The following ZNF425 variants were observed in gnomAD, a reference collection of about 807,000 sequenced individuals.
ZNF425 encodes zinc finger protein 425.
ZNF425 carries 21 observed loss-of-function variants against 17.0 expected under a neutral mutation model. The ratio of observed to expected loss-of-function variants is 1.23; its 90% CI spans 0.88 to 1.78. ZNF425 has a LOEUF of 1.78. Ranked by LOEUF, ZNF425 falls within the 40% of genes most tolerant of loss-of-function variation. The pLI, the probability that ZNF425 is intolerant of heterozygous loss-of-function variation, is 0.00. For missense variants in ZNF425, 868 were observed against 967.3 expected, an observed-to-expected ratio of 0.90 and a Z score of 1.36; for synonymous variants, 433 against 384.1, an observed-to-expected ratio of 1.13 and a Z score of -1.49.
intron 1 of ZNF425, chr7:149,125,605 T>C (rs1242508940): frequency 6.4e-6 from 1 of 157,172 alleles, no homozygotes; most frequent in Non-Finnish European, 1.4e-5. Context: ...GGGACAGCGT[T>C]GTTGATCTGA....
At position 149,105,530 on chromosome 7, in the gene ZNF425, C is replaced by G; in HGVS notation, c.341G>C (p.Cys114Ser). The change falls in exon 4 of 4, where the codon TGC (cysteine) becomes TCC (serine). Residue 114 changes from cysteine (C) to serine (S), a missense_variant. Cys to Ser is a moderately radical substitution (Grantham distance 112). This residue lies in a region of ZNF425 where 179 missense variants were observed against 216.3 expected (regional missense o/e 0.83). Coordinates refer to ENST00000378061, the MANE Select transcript of ZNF425 (RefSeq NM_001001661.3). ...EGTPRTKEED[C>S]RLNGPQKQDL... is the part of the protein sequence containing the mutation. The stretch of plus-strand genomic sequence containing the variant: ...CTGTTTTTGAGGACCATTTAAACGG[C>G]AATCCTCTTCTTTTGTCCTGGGAGT... 6.6e-7 allele frequency: 1 copy of G among 1,515,898 alleles called. No individual in the cohort carries two copies. Among genetic ancestry groups the G allele is most frequent in the Non-Finnish European group, 8.8e-7 (1 of 1,136,284 alleles). The allele number at this position is 1,515,898 out of a possible 1,614,324, so 93.9% of individuals were successfully genotyped here. A position where few individuals can be genotyped will look rare whatever the true frequency, so the allele number is the denominator to read the frequency against.
intron 2 of ZNF425, among the ~76,000 whole-genome samples, chr7:149,117,355 T>C (rs1826282124): frequency 6.6e-6 from 1 of 152,156 alleles, no homozygotes; most frequent in Non-Finnish European, 1.5e-5. Flanking sequence ...CTTTTTAATC[T>C]ACTCCTTGAG....
At chr7:149,109,799 C>T (rs920547219) in intron 3 of ZNF425, among the ~76,000 whole-genome samples, 3 of 151,800 alleles carry the variant, frequency 2.0e-5, no homozygotes, top group Non-Finnish European at 2.9e-5. Flanking sequence ...GGGAGGCACT[C>T]GATATTGGTT....
chr7:149,110,654 AC>A (rs1311038562), intron 3 of ZNF425, among the ~76,000 whole-genome samples: 2 of 152,076 alleles, frequency 1.3e-5, no homozygotes, highest in Non-Finnish European at 2.9e-5. Context: ...AGTTTTAAAA[AC>A]CCAAGTTTTA....
chr7:149,105,637 T>G (rs1683745018), intron 3 of ZNF425, 71 bp from the exon 4 acceptor site: 16 of 1,037,972 alleles, frequency 1.5e-5, no homozygotes, highest in Non-Finnish European at 1.9e-5. Flanking sequence ...GGACTGTCTT[T>G]TAAAAATTTA....
At chr7:149,108,180 A>G (rs1826112447) in intron 3 of ZNF425, among the ~76,000 whole-genome samples, 1 of 151,912 alleles carries the variant, frequency 6.6e-6, no homozygotes, top group Non-Finnish European at 1.5e-5. Context: ...GCAAACTCTC[A>G]GCCTACAGGT....
At chr7:149,126,063 C>A in intron 1 of ZNF425, 133 bp downstream of exon 1, 3 of 1,519,932 alleles carry the variant, frequency 2.0e-6, no homozygotes, top group Middle Eastern at 1.7e-4. Flanking sequence ...CAGCCCGGAG[C>A]TCAGTCCGTG....
chr7:149,108,003 T>C (rs902140131), intron 3 of ZNF425, among the ~76,000 whole-genome samples: 3 of 152,036 alleles, frequency 2.0e-5, no homozygotes, highest in Admixed American at 1.3e-4. Flanking sequence ...TCCAAGTAGC[T>C]GGGACTACAG....
At chr7:149,109,566 T>C (rs10265213) in intron 3 of ZNF425, among the ~76,000 whole-genome samples, 21,226 of 152,138 alleles carry the variant, frequency 0.14, 1,666 homozygotes, top group African/African-American at 0.22. Context: ...TAAATCCCTA[T>C]AGCACAGAAT....
In ZNF425 at chr7:149,103,225, T is replaced by C. The variant is rs1826005241; in HGVS notation, c.*387A>G. 5.7e-6 allele frequency: 1 copy of C among 176,250 alleles called. No homozygotes were observed. Among genetic ancestry groups the C allele is most frequent in the South Asian group, 1.6e-4 (1 of 6,392 alleles). The allele number at this position is 176,250 out of a possible 1,614,324, so 10.9% of individuals were successfully genotyped here. On this transcript the variant is annotated 3_prime_UTR_variant, in exon 4 of 4. Coordinates refer to ENST00000378061, the MANE Select transcript of ZNF425 (RefSeq NM_001001661.3). Reference sequence around the variant, plus strand: ...CTGTAGCCAGTATTTTGTGATTTTTTTTCTTTTTTGAGACAAGATCTTGCT... The same window carrying C: ...CTGTAGCCAGTATTTTGTGATTTTTCTTCTTTTTTGAGACAAGATCTTGCT...
chr7:149,122,687 TTTTTTG>T (rs368105102), intron 1 of ZNF425, among the ~76,000 whole-genome samples: 227 of 151,944 alleles, frequency 1.5e-3, no homozygotes, highest in East Asian at 0.011. Flanking sequence ...GAGACGTGGG[TTTTTTG>T]TTTTTGTTTT....
chr7:149,114,012 TAAAAAAAAA>T (rs35168465), intron 2 of ZNF425, among the ~76,000 whole-genome samples: 27 of 120,590 alleles, frequency 2.2e-4, no homozygotes, highest in Admixed American at 9.2e-4. Flanking sequence ...AGACTCTGTC[TAAAAAAAAA>T]AAAAAAAAAA....
Position 149,104,411 on chromosome 7 carries a change from C to T in ZNF425, c.1460G>A (p.Cys487Tyr), listed in dbSNP as rs1168847896. The change falls in exon 4 of 4, where the codon TGC becomes TAC. Residue 487 changes from cysteine to tyrosine, a missense_variant. Transcript: ENST00000378061. The surrounding 1 kb of genome is among the most constrained non-coding windows in gnomAD (Gnocchi z 4.3). Reference protein sequence around the residue: ...KRFTRPSKLACHTRVHDRQKE... With the variant: ...KRFTRPSKLAYHTRVHDRQKE... ...CTGCCTGTCGTGGACTCTGGTGTGG[C>T]AGGCGAGCTTGGAAGGCCGCGTGAA... 1 of 1,603,472 alleles carries T rather than the reference C, an allele frequency of 6.2e-7. No homozygotes were observed. The highest frequency in any genetic ancestry group is 2.2e-5 in the East Asian group (1 of 44,792).
chr7:149,110,832 T>C (rs1330759250), intron 3 of ZNF425, among the ~76,000 whole-genome samples: 1 of 147,694 alleles, frequency 6.8e-6, no homozygotes, highest in African/African-American at 2.5e-5. Flanking sequence ...TCCCACTCTG[T>C]CGCCCAGGCT....
Position 149,105,940 on chromosome 7 carries a change from T to TA in ZNF425, c.305-375dup, listed in dbSNP as rs1219588885. On this transcript the variant is annotated intron_variant, in intron 3 of 3. Transcript: ENST00000378061. ...GTGAGCCACCGCGCTTGGCCTTTTT[T>TA]AAAAAAAATTTTTTTCCTTTTTTTT... is the stretch of plus-strand genomic sequence containing the variant. Among the ~76,000 whole-genome samples the TA allele has an allele frequency of 9.6e-4, 140 of 145,986 alleles. 1 individual carries two copies. The East Asian group carries it at 0.013, about 14-fold the overall frequency.
In ZNF425 at chr7:149,104,273, C is replaced by T. The variant is rs775897351; in HGVS notation, c.1598G>A (p.Arg533His). 4 of 1,613,410 alleles carry T rather than the reference C, an allele frequency of 2.5e-6. No individual in the cohort carries two copies. Among genetic ancestry groups the T allele is most frequent in the African/African-American group, 2.7e-5 (2 of 74,926 alleles). Residue 533 changes from arginine (R) to histidine (H), a missense_variant, in exon 4 of 4, where the codon CGC (arginine) becomes CAC (histidine). Around this residue, in one of 5 missense-constraint regions of ZNF425, gnomAD observed 437 missense variants for 444.2 expected, o/e 0.98. Transcript: ENST00000378061. This position sits in a 1 kb window ranked among gnomAD's most constrained non-coding sequence, Gnocchi z 4.3. The stretch of plus-strand genomic sequence containing the variant: ...GAGATGCGCGCGTCGGCGGAAACTG[C>T]GGCCGCACTCGGCGCAGGAGAACGG... ...EKPFSCAECG[R>H]SFRRRAHLTE...
intron 2 of ZNF425, among the ~76,000 whole-genome samples, chr7:149,117,826 A>C (rs1236944801): frequency 1.3e-5 from 2 of 151,584 alleles, no homozygotes; most frequent in African/African-American, 4.8e-5. Flanking sequence ...CTAATTTTGT[A>C]TTTTTAGTAG....
intron 2 of ZNF425, among the ~76,000 whole-genome samples, chr7:149,113,891 T>G (rs1826212927): frequency 6.6e-6 from 1 of 151,600 alleles, no homozygotes; most frequent in South Asian, 2.1e-4. Context: ...GGTGTATGCC[T>G]GTGGTCCCAG....
rs774184823 is a variant in ZNF425, at chr7:149,112,222, T to A, written c.219A>T (p.Gly73=). The change falls in exon 3 of 4, where the codon GGA becomes GGT. Residue 73 remains glycine (G), a synonymous_variant. Coordinates refer to ENST00000378061, the MANE Select transcript of ZNF425 (RefSeq NM_001001661.3). ...QGRMLLISEQ[G]CLDKTRRTTS... ...TTGTCCTTCTTGTTTTATCTAAGCA[T>A]CCCTGTTCGCTGATTAATAGCATTC... is the stretch of plus-strand genomic sequence containing the variant. 1 of 1,614,148 alleles carries A rather than the reference T, an allele frequency of 6.2e-7. No homozygotes were observed. Among genetic ancestry groups the A allele is most frequent in the East Asian group, 2.2e-5 (1 of 44,886 alleles).
Sources: gnomAD v4.1 joint callset for allele counts (sites outside exome capture counted in the v4.1 genomes callset) on GRCh38, gnomAD v4.1.1 for gene constraint, gnomAD v4.1.1 regional missense constraint, Gnocchi (gnomAD v3.1) non-coding constraint, MANE v1.5 for transcripts, NCBI Gene and HGNC (gene_info 2026-07-23, HGNC 2026-07-21) for gene names.